The following NEK6 variants were observed in gnomAD, a reference collection of about 807,000 sequenced individuals.
NEK6 encodes the protein NIMA related kinase 6.
In NEK6, 27 loss-of-function variants were observed where a neutral mutation model predicts 43.5. The observed-to-expected ratio is 0.62, with a 90% CI of 0.46 to 0.86. NEK6 has a LOEUF of 0.86. Among genes scored for constraint, NEK6 ranks in the 40% least tolerant of loss-of-function variants. The pLI is 0.00. For missense variants in NEK6, 318 were observed against 414.4 expected (o/e 0.77, Z 2.02); for synonymous variants, 167 against 164.1 (o/e 1.02, Z -0.14).
At chr9:124,348,169 CAG>C (rs1830049953) in intron 9 of NEK6, among the ~76,000 whole-genome samples, 1 of 152,196 alleles carries the variant, frequency 6.6e-6, no homozygotes, top group Admixed American at 6.5e-5. Flanking sequence ...GGAACTGATA[CAG>C]GGGCAGGATG....
In NEK6 at chr9:124,350,900, G is replaced by C. The variant is rs200235098; in HGVS notation, c.895G>C (p.Val299Leu). ...CCACCAGAGACCTGACATCGGATAC[G>C]TGCACCAGGTGGCCAAGCAGATGCA... ...DPHQRPDIGY[V>L]HQVAKQMHIW... Residue 299 changes from valine (V) to leucine (L), a missense_variant, in exon 10 of 10, where the codon GTG becomes CTG. Val to Leu is a conservative substitution (Grantham distance 32). Coordinates refer to ENST00000320246, the MANE Select transcript of NEK6 (RefSeq NM_014397.6). 2 of 1,611,642 alleles carry C rather than the reference G, an allele frequency of 1.2e-6. No individual in the cohort carries two copies. The highest frequency in any genetic ancestry group is 1.3e-5 in the African/African-American group (1 of 74,926).
intron 1 of NEK6, chr9:124,261,473 G>A: frequency 1.0e-6 from 1 of 985,516 alleles, no homozygotes; most frequent in African/African-American, 1.7e-5. Context: ...CTTGTGTGGA[G>A]ATGAGGCTGG....
At position 124,313,998 on chromosome 9, in the gene NEK6, G is replaced by C. The variant is rs1158361230; in HGVS notation, c.294+13G>C. 6.2e-7 allele frequency: 1 copy of C among 1,613,818 alleles called. No individual in the cohort carries two copies. ...CGGCCTCTTGAAGGTGAGCACCCTG[G>C]GCCGAGCGGGAGCTTTGCCTCCTCG... On this transcript the variant is annotated intron_variant, in intron 4 of 9. Transcript: ENST00000320246.
At chr9:124,303,795 G>A (rs1483889566) in intron 2 of NEK6, among the ~76,000 whole-genome samples, 1 of 152,162 alleles carries the variant, frequency 6.6e-6, no homozygotes, top group African/African-American at 2.4e-5. Flanking sequence ...GGGCCTCCTC[G>A]GGTAATGTAG....
intron 8 of NEK6, among the ~76,000 whole-genome samples, chr9:124,341,922 C>A (rs556612796): frequency 2.0e-5 from 3 of 152,160 alleles, no homozygotes; most frequent in Non-Finnish European, 2.9e-5. Context: ...TGTTATTTTG[C>A]GGAGAAGACG....
In NEK6 at chr9:124,313,952, G is replaced by A. The variant is rs200803888; in HGVS notation, c.261G>A (p.Arg87=). The A allele has an allele frequency of 2.9e-4, 469 of 1,614,200 alleles. No homozygotes were observed. The highest frequency in any genetic ancestry group is 3.7e-4 in the Non-Finnish European group (437 of 1,180,012). The change falls in exon 4 of 10, where the codon AGG becomes AGA. Residue 87 remains arginine (R), a synonymous_variant. Transcript: ENST00000320246. ...QIFEMMDAKA[R]QDCVKEIGLL... is the part of the protein sequence containing the mutation. ...TTGAGATGATGGACGCCAAGGCGAG[G>A]CAGGACTGTGTCAAGGAGATCGGCC...
intron 1 of NEK6, among the ~76,000 whole-genome samples, chr9:124,285,401 T>C (rs1361246059): frequency 6.6e-6 from 1 of 152,168 alleles, no homozygotes; most frequent in Non-Finnish European, 1.5e-5. Flanking sequence ...CCGACCTGCA[T>C]GTAAAACTCC....
intron 7 of NEK6, among the ~76,000 whole-genome samples, chr9:124,329,129 C>T (rs1177886590): frequency 1.3e-5 from 2 of 152,254 alleles, no homozygotes; most frequent in Non-Finnish European, 2.9e-5. Context: ...ACCCGGGCCA[C>T]TGACTCTCCG....
At chr9:124,263,069 C>T (rs1831096978) in intron 1 of NEK6, 1 of 152,158 alleles carries the variant, frequency 6.6e-6, no homozygotes, top group Non-Finnish European at 1.5e-5. Flanking sequence ...GAATGCCTGC[C>T]CTCTCTTGTT....
intron 2 of NEK6, among the ~76,000 whole-genome samples, chr9:124,306,848 T>TA (rs928533012): frequency 5.3e-5 from 8 of 152,168 alleles, no homozygotes; most frequent in Non-Finnish European, 1.2e-4. Flanking sequence ...CCAAATCCAT[T>TA]AGAGTTTCCC....
intron 5 of NEK6, among the ~76,000 whole-genome samples, chr9:124,321,800 C>T (rs1369995404): frequency 6.6e-6 from 1 of 152,202 alleles, no homozygotes; most frequent in African/African-American, 2.4e-5. Flanking sequence ...TTCCACTGGC[C>T]TCAGGGAAGC....
intron 7 of NEK6, among the ~76,000 whole-genome samples, chr9:124,331,230 C>T (rs1253039822): frequency 7.5e-6 from 1 of 133,188 alleles, no homozygotes; most frequent in Admixed American, 8.7e-5. Flanking sequence ...GGCGCCATTG[C>T]ACTTCAGCCT....
intron 2 of NEK6, among the ~76,000 whole-genome samples, chr9:124,303,929 C>T (rs1833124494): frequency 6.6e-6 from 1 of 152,248 alleles, no homozygotes; most frequent in African/African-American, 2.4e-5. Flanking sequence ...GGAGAGGGCC[C>T]TGTAATTATT....
In NEK6 at chr9:124,272,878, C is replaced by T. The variant is rs117372993; in HGVS notation, c.-30+14793C>T. On this transcript the variant is annotated intron_variant, in intron 1 of 9. Transcript: ENST00000320246. ...CCAAGTCAGGATTTGAACCCACGCC[C>T]GTGGCTTCCAGACCACACTATCGGA... 2.1e-3 allele frequency among the ~76,000 whole-genome samples: 319 copies of T among 152,304 alleles called. 1 individual carries two copies. The highest frequency in any genetic ancestry group is 5.8e-3 in the African/African-American group (241 of 41,558).
intron 7 of NEK6, among the ~76,000 whole-genome samples, chr9:124,337,111 G>C (rs1041911606): frequency 1.3e-5 from 2 of 152,194 alleles, no homozygotes; most frequent in African/African-American, 2.4e-5. Context: ...CTCCAGACCT[G>C]CTAAATCAGC....
At chr9:124,271,375 A>ACTCCC (rs1831430333) in intron 1 of NEK6, among the ~76,000 whole-genome samples, 1 of 152,142 alleles carries the variant, frequency 6.6e-6, no homozygotes, top group Non-Finnish European at 1.5e-5. Context: ...CCAGCCCCAA[A>ACTCCC]ATGGGGAGGC....
At chr9:124,300,730 G>A (rs1832925268) in intron 1 of NEK6, among the ~76,000 whole-genome samples, 1 of 152,148 alleles carries the variant, frequency 6.6e-6, no homozygotes, top group Non-Finnish European at 1.5e-5. Context: ...ATCTTGGAGG[G>A]CCCCGACCTG....
chr9:124,305,971 T>G (rs1032912231), intron 2 of NEK6, among the ~76,000 whole-genome samples: 1 of 152,180 alleles, frequency 6.6e-6, no homozygotes, highest in Non-Finnish European at 1.5e-5. Flanking sequence ...GAGGAGCCCA[T>G]TATGGGTTTT....
intron 1 of NEK6, among the ~76,000 whole-genome samples, chr9:124,298,923 C>T (rs1832827286): frequency 6.6e-6 from 1 of 152,230 alleles, no homozygotes; most frequent in South Asian, 2.1e-4. Context: ...GTCCCCCTTG[C>T]ACTGCTCCTG....
Sources: gnomAD v4.1 joint callset for allele counts (sites outside exome capture counted in the v4.1 genomes callset) on GRCh38, gnomAD v4.1.1 for gene constraint, MANE v1.5 for transcripts, NCBI Gene and HGNC (gene_info 2026-07-23, HGNC 2026-07-21) for gene names.